NAP1L4: variants seen among roughly 807,000 people sequenced by gnomAD.
NAP1L4 encodes the protein nucleosome assembly protein 1-like 4.
In NAP1L4, 15 loss-of-function variants were observed where a neutral mutation model predicts 58.2. That is an observed-to-expected ratio of 0.26 (90% CI 0.17 to 0.40). The LOEUF (loss-of-function observed/expected upper bound fraction) is 0.40, where lower values mean the gene tolerates loss of function less well. Among genes scored for constraint, NAP1L4 ranks in the 10% least tolerant of loss-of-function variants. NAP1L4 has a pLI of 1.00. For missense variants in NAP1L4, 384 were observed against 451.1 expected (o/e 0.85, Z 1.35); for synonymous variants, 171 against 155.6 (o/e 1.10, Z -0.74).
In NAP1L4 at chr11:2,964,759, A is replaced by C; in HGVS notation, c.535-8T>G. The C allele has an allele frequency of 2.5e-6, 4 of 1,604,988 alleles. No individual in the cohort carries two copies. The highest frequency in any genetic ancestry group is 3.4e-6 in the Non-Finnish European group (4 of 1,172,680). Reference sequence around the variant, plus strand: ...GATTGGTTCATCATATTCCTAATCAAAAAGAGAAAAAAAATTCCAACAGGC... The same window carrying C: ...GATTGGTTCATCATATTCCTAATCACAAAGAGAAAAAAAATTCCAACAGGC... On this transcript the variant is annotated splice_polypyrimidine_tract_variant and splice_region_variant and intron_variant, in intron 7 of 15. Coordinates refer to ENST00000380542, the MANE Select transcript of NAP1L4 (RefSeq NM_005969.4).
At chr11:2,966,812 C>T (rs970872906) in intron 7 of NAP1L4, among the ~76,000 whole-genome samples, 2 of 152,182 alleles carry the variant, frequency 1.3e-5, no homozygotes, top group African/African-American at 2.4e-5. Flanking sequence ...CACTCAAAGA[C>T]GCAGTGCCCA....
At chr11:2,947,219 C>T (rs1184381416) in intron 15 of NAP1L4, among the ~76,000 whole-genome samples, 4 of 152,260 alleles carry the variant, frequency 2.6e-5, no homozygotes, top group African/African-American at 9.6e-5. Context: ...GAATGCTCAA[C>T]CAGAAATAAA....
At position 2,951,039 on chromosome 11, in the gene NAP1L4, G is replaced by A; in HGVS notation, c.1122+220C>T. 2.0e-6 allele frequency: 1 copy of A among 512,812 alleles called. No homozygotes were observed. The allele number at this position is 512,812 out of a possible 1,614,324, so 31.8% of individuals were successfully genotyped here. A position where few individuals can be genotyped will look rare whatever the true frequency, so the allele number is the denominator to read the frequency against. On this transcript the variant is annotated intron_variant, in intron 14 of 15. Coordinates refer to ENST00000380542, the MANE Select transcript of NAP1L4 (RefSeq NM_005969.4). The surrounding 1 kb of genome is among the most constrained non-coding windows in gnomAD (Gnocchi z 4.0). ...AGTCTATGTAAATAAGACACAGCTT[G>A]AGACAGCTGGAAAAGCTTCTACTGA...
Position 2,963,146 on chromosome 11 carries a change from G to C in NAP1L4, c.606+1534C>G, listed in dbSNP as rs141811975. 6.8e-3 allele frequency among the ~76,000 whole-genome samples: 934 copies of C among 137,086 alleles called. 5 individuals are homozygous for C. The highest frequency in any genetic ancestry group is 0.011 in the Non-Finnish European group (713 of 62,894). 89.9% of individuals were successfully genotyped at this position (137,086 alleles called of 152,430 possible). A position where few individuals can be genotyped will look rare whatever the true frequency, so the allele number is the denominator to read the frequency against. On this transcript the variant is annotated intron_variant, in intron 8 of 15. Coordinates refer to ENST00000380542, the MANE Select transcript of NAP1L4 (RefSeq NM_005969.4). ...AAGAAAAAAAAGGAAGAAAAGAAAA[G>C]GAGAAAAAAGAAAGGAAAAAAAAAG...
At chr11:2,979,722 A>C (rs1034819841) in intron 1 of NAP1L4, among the ~76,000 whole-genome samples, 4 of 152,118 alleles carry the variant, frequency 2.6e-5, no homozygotes, top group Non-Finnish European at 4.4e-5. Context: ...CAGCGAGCGG[A>C]GATCATGCCA....
intron 1 of NAP1L4, among the ~76,000 whole-genome samples, chr11:2,981,442 A>G (rs984156430): frequency 1.5e-4 from 22 of 149,476 alleles, no homozygotes; most frequent in African/African-American, 5.2e-4. Context: ...AAAAAAAAAA[A>G]AAAGGCAATA....
In NAP1L4 at chr11:2,955,058, G is replaced by T. The variant is rs966304519; in HGVS notation, c.916-412C>A. 4.6e-5 allele frequency among the ~76,000 whole-genome samples: 7 copies of T among 151,868 alleles called. No homozygotes were observed. Among genetic ancestry groups the T allele is most frequent in the African/African-American group, 1.7e-4 (7 of 41,288 alleles). ...TCCCAGAGTTTTAGGAAACAGAAAT[G>T]GATTTTTTTTTTTTAAGAGACAGGG... On this transcript the variant is annotated intron_variant, in intron 11 of 15. Transcript: ENST00000380542. The surrounding 1 kb of genome is among the most constrained non-coding windows in gnomAD (Gnocchi z 4.2).
At position 2,955,647 on chromosome 11, in the gene NAP1L4, A is replaced by G; in HGVS notation, c.915+97T>C. On this transcript the variant is annotated intron_variant, in intron 11 of 15. Coordinates refer to ENST00000380542, the MANE Select transcript of NAP1L4 (RefSeq NM_005969.4). The surrounding 1 kb of genome is among the most constrained non-coding windows in gnomAD (Gnocchi z 4.2). ...GATCACTGGCATACCCAGTCCACAC[A>G]CAGCCAGGACTGGACTTTTTTTAAC... is the stretch of plus-strand genomic sequence containing the variant. The G allele has an allele frequency of 8.1e-7, 1 of 1,237,632 alleles. No individual in the cohort carries two copies. The highest frequency in any genetic ancestry group is 2.3e-5 in the East Asian group (1 of 42,966). 76.7% of individuals were successfully genotyped at this position (1,237,632 alleles called of 1,614,324 possible).
chr11:2,968,000 T>C (rs1409582911), intron 7 of NAP1L4, among the ~76,000 whole-genome samples: 1 of 152,084 alleles, frequency 6.6e-6, no homozygotes, highest in East Asian at 1.9e-4. Flanking sequence ...CACCTAACTC[T>C]AGCTCCCAAA....
rs1026722189 is a variant in NAP1L4, at chr11:2,945,628, C to T, written c.*51G>A. 2.6e-6 allele frequency: 4 copies of T among 1,535,942 alleles called. No individual in the cohort carries two copies. In the Admixed American group the frequency reaches 7.8e-5, roughly 30 times the overall value. On this transcript the variant is annotated 3_prime_UTR_variant, in exon 16 of 16. Coordinates refer to ENST00000380542, the MANE Select transcript of NAP1L4 (RefSeq NM_005969.4). ...GCTTCCTACTGCTGCTTGCATTCCG[C>T]CGGCTGGCTGGGTTCCTTCTGTCAA... is the stretch of plus-strand genomic sequence containing the variant.
intron 1 of NAP1L4, chr11:2,991,073 T>C (rs890026843): frequency 2.2e-6 from 1 of 456,336 alleles, no homozygotes; most frequent in African/African-American, 2.0e-5. Context: ...CACAGACGAA[T>C]GTGCCCCGAC....
intron 7 of NAP1L4, among the ~76,000 whole-genome samples, chr11:2,965,781 C>A (rs1035522940): frequency 1.2e-4 from 19 of 152,150 alleles, no homozygotes; most frequent in African/African-American, 4.3e-4. Context: ...CCACCCACCT[C>A]GGCCTCCCAA....
At chr11:2,969,476 G>C (rs1381003590) in intron 7 of NAP1L4, among the ~76,000 whole-genome samples, 1 of 151,876 alleles carries the variant, frequency 6.6e-6, no homozygotes, top group African/African-American at 2.4e-5. Context: ...GACAGAGATG[G>C]GCTCTGGAAT....
intron 4 of NAP1L4, among the ~76,000 whole-genome samples, chr11:2,975,497 G>T (rs2133985066): frequency 6.6e-6 from 1 of 152,252 alleles, no homozygotes; most frequent in East Asian, 1.9e-4. Context: ...TTGAGAGGCT[G>T]AGGCGGGAGA....
chr11:2,991,093 G>C (rs1162189656), intron 1 of NAP1L4: 2 of 456,520 alleles, frequency 4.4e-6, no homozygotes, highest in Non-Finnish European at 8.8e-6. Context: ...CGATTCCTCC[G>C]AGAACATAAT....
chr11:2,955,601 C>G lies in NAP1L4; in HGVS notation c.915+143G>C. On this transcript the variant is annotated intron_variant, in intron 11 of 15. Coordinates refer to ENST00000380542, the MANE Select transcript of NAP1L4 (RefSeq NM_005969.4). The surrounding 1 kb of genome is among the most constrained non-coding windows in gnomAD (Gnocchi z 4.2). ...TCCTGGACTCGTGCAGTCCTCCCAC[C>G]TCAGCCTCCCAAAGCATTAAGATCA... is the stretch of plus-strand genomic sequence containing the variant. 1 of 767,144 alleles carries G rather than the reference C, an allele frequency of 1.3e-6. No individual in the cohort carries two copies. 47.5% of individuals were successfully genotyped at this position (767,144 alleles called of 1,614,324 possible).
chr11:2,982,295 T>C (rs528854190), intron 1 of NAP1L4, among the ~76,000 whole-genome samples: 5 of 152,188 alleles, frequency 3.3e-5, no homozygotes, highest in Admixed American at 1.3e-4. Flanking sequence ...GGCTACTTAA[T>C]TGAAGCTCTC....
intron 8 of NAP1L4, among the ~76,000 whole-genome samples, chr11:2,961,367 T>C (rs754897280): frequency 6.6e-5 from 10 of 151,710 alleles, no homozygotes; most frequent in Non-Finnish European, 1.5e-4. Flanking sequence ...AGGAAGCGGG[T>C]AGGGCACTGC....
chr11:2,953,580 C>T (rs753961821), intron 12 of NAP1L4, among the ~76,000 whole-genome samples: 1 of 152,340 alleles, frequency 6.6e-6, no homozygotes, highest in South Asian at 2.1e-4. Flanking sequence ...TGTTCCCTGA[C>T]CTGCAATCAC....
Sources: gnomAD v4.1 joint callset for allele counts (sites outside exome capture counted in the v4.1 genomes callset) on GRCh38, gnomAD v4.1.1 for gene constraint, Gnocchi (gnomAD v3.1) non-coding constraint, MANE v1.5 for transcripts, NCBI Gene and HGNC (gene_info 2026-07-23, HGNC 2026-07-21) for gene names.